The following PTPN5 variants were observed in gnomAD, a reference collection of about 807,000 sequenced individuals.
PTPN5 encodes protein tyrosine phosphatase non-receptor type 5.
In PTPN5, 29 loss-of-function variants were observed where a neutral mutation model predicts 73.9. The observed-to-expected ratio is 0.39, with a 90% confidence interval of 0.29 to 0.54. The LOEUF (loss-of-function observed/expected upper bound fraction) is 0.54. Ranked by LOEUF, PTPN5 falls within the 20% of genes least tolerant of loss-of-function variation. PTPN5 has a pLI of 0.65. For synonymous variants in PTPN5, 267 were observed against 304.7 expected (o/e 0.88, Z 1.29); for missense variants, 652 against 751.4 (o/e 0.87, Z 1.55).
chr11:18,777,535 G>A (rs527340357), intron 1 of PTPN5, among the ~76,000 whole-genome samples: 1 of 152,308 alleles, frequency 6.6e-6, no homozygotes, highest in African/African-American at 2.4e-5. Context: ...AAGACTCTGG[G>A]ATGAATCTTG....
At chr11:18,763,354 C>T (rs758463186) in intron 3 of PTPN5, among the ~76,000 whole-genome samples, 9 of 152,216 alleles carry the variant, frequency 5.9e-5, no homozygotes, top group Non-Finnish European at 1.0e-4. Flanking sequence ...GGTGACGACA[C>T]GGGCTACTGA....
At chr11:18,790,205 T>G (rs548685425) in intron 1 of PTPN5, among the ~76,000 whole-genome samples, 28 of 152,158 alleles carry the variant, frequency 1.8e-4, no homozygotes, top group Non-Finnish European at 3.7e-4. Flanking sequence ...TGATTGTAAC[T>G]CAAGCTTCCC....
intron 2 of PTPN5, among the ~76,000 whole-genome samples, chr11:18,769,521 A>G (rs1416123007): frequency 6.6e-6 from 1 of 152,134 alleles, no homozygotes; most frequent in Non-Finnish European, 1.5e-5. Flanking sequence ...CTCCTGCCTC[A>G]GCCTCCCAGT....
At position 18,737,982 on chromosome 11, in the gene PTPN5, G is replaced by A. The variant is rs780020549; in HGVS notation, c.916-18C>T. On this transcript the variant is annotated intron_variant, in intron 8 of 14. Transcript: ENST00000358540. ...GGGATTTCCTGTGGAAGGAGGACAC[G>A]GGGTGTGAGCAGCTATGGGCCCTCA... 34 of 1,606,422 alleles carry A rather than the reference G, an allele frequency of 2.1e-5. No individual in the cohort carries two copies. Among genetic ancestry groups the A allele is most frequent in the Non-Finnish European group, 2.5e-5 (29 of 1,173,086 alleles).
rs1394874382 is a variant in PTPN5, at chr11:18,729,880, C to G, written c.1330-62G>C. 1.2e-6 allele frequency: 2 copies of G among 1,601,706 alleles called. No homozygotes were observed. The highest frequency in any genetic ancestry group is 2.2e-5 in the East Asian group (1 of 44,810). The stretch of plus-strand genomic sequence containing the variant: ...GAACTCTTTCAGCTCACAAACCAGC[C>G]CAGAGATAGAGATGAGATGGAAGGA... On this transcript the variant is annotated intron_variant, in intron 12 of 14. Transcript: ENST00000358540. The surrounding 1 kb of genome is among the most constrained non-coding windows in gnomAD (Gnocchi z 5.2).
intron 3 of PTPN5, among the ~76,000 whole-genome samples, chr11:18,747,724 G>A (rs1490689800): frequency 6.6e-6 from 1 of 152,104 alleles, no homozygotes; most frequent in African/African-American, 2.4e-5. Context: ...AAATTTTGAT[G>A]GTATGGACTA....
rs373437389 is a variant in PTPN5, at chr11:18,728,602, G to A, written c.*332C>T. 6 of 255,418 alleles carry A rather than the reference G, an allele frequency of 2.3e-5. No individual in the cohort carries two copies. The highest frequency in any genetic ancestry group is 2.1e-4 in the East Asian group (2 of 9,304). The allele number at this position is 255,418 out of a possible 1,614,324, so 15.8% of individuals were successfully genotyped here. A position where few individuals can be genotyped will look rare whatever the true frequency, so the allele number is the denominator to read the frequency against. ...GGACAGACAGAACACATTGCAGCAG[G>A]ACACAAAGTGTAGCACGGAAACATT... is the stretch of plus-strand genomic sequence containing the variant. On this transcript the variant is annotated 3_prime_UTR_variant, in exon 15 of 15. Coordinates refer to ENST00000358540, the MANE Select transcript of PTPN5 (RefSeq NM_006906.2). This position sits in a 1 kb window ranked among gnomAD's most constrained non-coding sequence, Gnocchi z 4.1.
At chr11:18,785,655 A>C (rs1336824293) in intron 1 of PTPN5, among the ~76,000 whole-genome samples, 1 of 152,170 alleles carries the variant, frequency 6.6e-6, no homozygotes, top group African/African-American at 2.4e-5. Flanking sequence ...ATATGCTGCC[A>C]CCATTGAGGC....
intron 4 of PTPN5, 94 bp from the exon 5 acceptor site, chr11:18,743,523 A>G (rs1218934284): frequency 1.1e-5 from 12 of 1,142,248 alleles, no homozygotes; most frequent in Non-Finnish European, 1.6e-5. Context: ...CTGGCCCTGC[A>G]TGGAGGCTCC....
chr11:18,742,360 G>C lies in PTPN5; in HGVS notation c.627C>G (p.Asp209Glu). ...CAAACACAGGAGTCTCGGGCACCGG[G>C]TCGAGGTCCAGGAAGTCATCCTCGA... ...EKIEDDFLDL[D>E]PVPETPVFDC... Residue 209 changes from aspartate (D) to glutamate (E), a missense_variant, in exon 7 of 15, where the codon GAC (aspartate) becomes GAG (glutamate). Physicochemically the swap from Asp to Glu is conservative, Grantham distance 45. Transcript: ENST00000358540. This position sits in a 1 kb window ranked among gnomAD's most constrained non-coding sequence, Gnocchi z 4.1. The C allele has an allele frequency of 6.2e-7, 1 of 1,614,190 alleles. No homozygotes were observed. Among genetic ancestry groups the C allele is most frequent in the Non-Finnish European group, 8.5e-7 (1 of 1,180,038 alleles).
chr11:18,759,911 G>A (rs1850314061), intron 3 of PTPN5, among the ~76,000 whole-genome samples: 3 of 149,458 alleles, frequency 2.0e-5, no homozygotes, highest in African/African-American at 7.5e-5. Context: ...TGAAAACAGG[G>A]GCTAGCAGAT....
At chr11:18,737,287 CCTT>C (rs1849157145) in intron 9 of PTPN5, among the ~76,000 whole-genome samples, 1 of 152,202 alleles carries the variant, frequency 6.6e-6, no homozygotes, top group Admixed American at 6.5e-5. Flanking sequence ...CCCTTTCAGA[CCTT>C]CTAGGGGACT....
At position 18,729,708 on chromosome 11, in the gene PTPN5, C is replaced by T. The variant is rs928055965; in HGVS notation, c.1440G>A (p.Glu480=). 1.3e-6 allele frequency: 2 copies of T among 1,587,480 alleles called. No homozygotes were observed. Among genetic ancestry groups the T allele is most frequent in the Non-Finnish European group, 1.7e-6 (2 of 1,163,348 alleles). Residue 480 remains glutamate (E), a synonymous_variant, in exon 13 of 15, where the codon GAG becomes GAA. Transcript: ENST00000358540. The surrounding 1 kb of genome is among the most constrained non-coding windows in gnomAD (Gnocchi z 5.2). ...PLLHLVREVE[E]AAQQEGPHCA... is the part of the protein sequence containing the mutation. ...AGTGGGGCCCCTCCTGCTGGGCTGC[C>T]TCCTCCACCTCCCGCACCAGGTGCA...
intron 1 of PTPN5, among the ~76,000 whole-genome samples, chr11:18,779,975 A>G (rs1851347133): frequency 6.6e-6 from 1 of 152,150 alleles, no homozygotes; most frequent in Non-Finnish European, 1.5e-5. Flanking sequence ...GTACATAGGG[A>G]GAGCTTGGCA....
chr11:18,768,769 G>A (rs974696689), intron 2 of PTPN5, among the ~76,000 whole-genome samples: 5 of 152,220 alleles, frequency 3.3e-5, no homozygotes, highest in Non-Finnish European at 1.5e-5. Flanking sequence ...GCCACAGCCT[G>A]CGTGTCTAGA....
At position 18,743,449 on chromosome 11, in the gene PTPN5, G is replaced by T. The variant is rs1849468062; in HGVS notation, c.292-20C>A. 1 of 1,606,104 alleles carries T rather than the reference G, an allele frequency of 6.2e-7. No individual in the cohort carries two copies. Among genetic ancestry groups the T allele is most frequent in the Non-Finnish European group, 8.5e-7 (1 of 1,172,768 alleles). ...GGCAAGCTGGGGCACAGGGGAGCAG[G>T]CTGAGTATGGAGCCGGCCCCCTTCC... On this transcript the variant is annotated intron_variant, in intron 4 of 14. Transcript: ENST00000358540.
At position 18,729,090 on chromosome 11, in the gene PTPN5, CA is replaced by C; in HGVS notation, c.1605-64del. 1.3e-6 allele frequency: 2 copies of C among 1,553,516 alleles called. No homozygotes were observed. Among genetic ancestry groups the C allele is most frequent in the African/African-American group, 2.7e-5 (2 of 73,100 alleles). ...GAGGGATGGGCTGTGGGAGGTGCCCCAAAAGCCATGGAGTAGCAATCACTTG... is the reference window on the plus strand; with the variant it reads ...GAGGGATGGGCTGTGGGAGGTGCCCCAAAGCCATGGAGTAGCAATCACTTG... On this transcript the variant is annotated intron_variant, in intron 14 of 14. Coordinates refer to ENST00000358540, the MANE Select transcript of PTPN5 (RefSeq NM_006906.2). The surrounding 1 kb of genome is among the most constrained non-coding windows in gnomAD (Gnocchi z 5.2).
chr11:18,775,865 C>A (rs71486879), intron 1 of PTPN5, among the ~76,000 whole-genome samples: 2,806 of 152,246 alleles, frequency 0.018, 33 homozygotes, highest in African/African-American at 0.027. Flanking sequence ...AGTGAACCAG[C>A]AGAGGGCGCT....
At chr11:18,775,817 A>G (rs10734264) in intron 1 of PTPN5, among the ~76,000 whole-genome samples, 151,805 of 152,248 alleles carry the variant, frequency 1, 75,685 homozygotes, top group Middle Eastern at 1. Context: ...CTTCAATTCC[A>G]GGCCTGTCAG....
Sources: allele counts gnomAD v4.1 joint callset (sites outside exome capture counted in the v4.1 genomes callset), GRCh38; gene constraint gnomAD v4.1.1; non-coding constraint Gnocchi (gnomAD v3.1); transcripts MANE v1.5; gene names NCBI Gene and HGNC (gene_info 2026-07-23, HGNC 2026-07-21).